PLA2G4A: variants seen among roughly 807,000 people sequenced by gnomAD.
PLA2G4A encodes the protein cytosolic phospholipase A2.
In PLA2G4A, 40 loss-of-function variants were observed where a neutral mutation model predicts 81.9. The ratio of observed to expected loss-of-function variants is 0.49; its 90% CI spans 0.38 to 0.64. The LOEUF is 0.64. PLA2G4A is among the 30% of genes least tolerant of loss of function. PLA2G4A has a pLI of 0.00. For missense variants in PLA2G4A, 715 were observed against 905.1 expected (o/e 0.79, Z 2.69); for synonymous variants, 302 against 296.9 (o/e 1.02, Z -0.18).
rs1651454143 is a variant in PLA2G4A at position 186,828,964 on chromosome 1, TTC to T, written c.-137_-136del. 1.3e-5 allele frequency: 2 copies of T among 152,228 alleles called. No homozygotes were observed. Among genetic ancestry groups the T allele is most frequent in the East Asian group, 3.9e-4 (2 of 5,184 alleles). The allele number at this position is 152,228 out of a possible 1,614,324, so 9.4% of individuals were successfully genotyped here. ...AGCCCCTCCTACTCAGGATAAGACT[TTC>T]TCTAAGTCCGGAGCTGAAAAAGGAT... On this transcript the variant is annotated 5_prime_UTR_variant, in exon 1 of 18. Transcript: ENST00000367466.
chr1:186,918,387 A>G (rs1217131916), intron 7 of PLA2G4A, among the ~76,000 whole-genome samples: 2 of 152,130 alleles, frequency 1.3e-5, no homozygotes, highest in Non-Finnish European at 2.9e-5. Context: ...ATAATGCTCC[A>G]TGCACTTGGA....
At chr1:186,930,753 G>T (rs1655713742) in intron 7 of PLA2G4A, among the ~76,000 whole-genome samples, 1 of 152,070 alleles carries the variant, frequency 6.6e-6, no homozygotes, top group South Asian at 2.1e-4. Flanking sequence ...TCTTGAAATT[G>T]TTTTTCCTCA....
intron 2 of PLA2G4A, among the ~76,000 whole-genome samples, chr1:186,861,472 T>C (rs1652796949): frequency 6.6e-6 from 1 of 152,206 alleles, no homozygotes; most frequent in Non-Finnish European, 1.5e-5. Context: ...AGTTCTTTCC[T>C]ACTTTTAGGA....
intron 6 of PLA2G4A, among the ~76,000 whole-genome samples, chr1:186,908,146 A>T (rs1470513250): frequency 1.3e-5 from 2 of 152,114 alleles, no homozygotes; most frequent in Admixed American, 6.5e-5. Context: ...GCCTTCTATT[A>T]AAAATAACAT....
intron 5 of PLA2G4A, among the ~76,000 whole-genome samples, chr1:186,899,199 C>T (rs2102127005): frequency 6.6e-6 from 1 of 152,208 alleles, no homozygotes; most frequent in Non-Finnish European, 1.5e-5. Flanking sequence ...AGAAAGGTAT[C>T]TTTGAGGATA....
At chr1:186,900,100 G>A (rs1025181596) in intron 5 of PLA2G4A, among the ~76,000 whole-genome samples, 1 of 152,124 alleles carries the variant, frequency 6.6e-6, no homozygotes, top group Non-Finnish European at 1.5e-5. Flanking sequence ...CAAAAATTTA[G>A]AACATCAGAG....
chr1:186,926,038 C>T (rs1243889755), intron 7 of PLA2G4A, among the ~76,000 whole-genome samples: 1 of 152,212 alleles, frequency 6.6e-6, no homozygotes, highest in African/African-American at 2.4e-5. Flanking sequence ...ACACGAGTAT[C>T]AGGTTGCTAG....
chr1:186,874,848 G>A (rs887825350), intron 3 of PLA2G4A, among the ~76,000 whole-genome samples: 3 of 151,920 alleles, frequency 2.0e-5, no homozygotes, highest in Non-Finnish European at 2.9e-5. Context: ...ATAACCTCAA[G>A]CTCTTAATAT....
chr1:186,855,587 A>G (rs139596491), intron 2 of PLA2G4A, among the ~76,000 whole-genome samples: 9 of 152,076 alleles, frequency 5.9e-5, no homozygotes, highest in African/African-American at 2.2e-4. Flanking sequence ...TTTTACCTCT[A>G]TTATCATGGG....
In PLA2G4A at chr1:186,956,486, A is replaced by G. The variant is rs966113554; in HGVS notation, c.1579+142A>G. 24 of 849,352 alleles carry G rather than the reference A, an allele frequency of 2.8e-5. No homozygotes were observed. In the Admixed American group the frequency reaches 3.9e-4, roughly 14 times the overall value. 52.6% of individuals were successfully genotyped at this position (849,352 alleles called of 1,614,324 possible). A position where few individuals can be genotyped will look rare whatever the true frequency, so the allele number is the denominator to read the frequency against. On this transcript the variant is annotated intron_variant, in intron 14 of 17. Coordinates refer to ENST00000367466, the MANE Select transcript of PLA2G4A (RefSeq NM_024420.3). Reference sequence around the variant, plus strand: ...TGCATTTAATGTGTGAAGGGCTTCAAATGACTAGGGTTTTTTTTTTGTTGT... The same window carrying G: ...TGCATTTAATGTGTGAAGGGCTTCAGATGACTAGGGTTTTTTTTTTGTTGT...
At chr1:186,873,456 A>C (rs1301262085) in intron 3 of PLA2G4A, among the ~76,000 whole-genome samples, 1 of 152,082 alleles carries the variant, frequency 6.6e-6, no homozygotes, top group African/African-American at 2.4e-5. Context: ...CTTATTTATA[A>C]AGGTAGAGTT....
chr1:186,867,161 T>G (rs1653064535), intron 2 of PLA2G4A, among the ~76,000 whole-genome samples: 2 of 152,146 alleles, frequency 1.3e-5, no homozygotes, highest in South Asian at 4.1e-4. Flanking sequence ...TTTTTTCTTC[T>G]CCTTCAAATT....
At chr1:186,870,623 A>G (rs949287517) in intron 3 of PLA2G4A, 107 bp downstream of exon 3, 2 of 1,169,974 alleles carry the variant, frequency 1.7e-6, no homozygotes, top group East Asian at 2.5e-5. Context: ...AAATGTGGTT[A>G]TGTTTGTCTA....
chr1:186,900,700 A>T (rs1654505341), intron 5 of PLA2G4A, among the ~76,000 whole-genome samples: 1 of 152,220 alleles, frequency 6.6e-6, no homozygotes, highest in South Asian at 2.1e-4. Context: ...CTTCAAAAGA[A>T]TCATGGAAAT....
In PLA2G4A at chr1:186,988,915, A is replaced by C. The variant is rs1035741510; in HGVS notation, c.*407A>C. On this transcript the variant is annotated 3_prime_UTR_variant, in exon 18 of 18. Coordinates refer to ENST00000367466, the MANE Select transcript of PLA2G4A (RefSeq NM_024420.3). ...ACTAGATTTATTCATACCATGAGAC[A>C]ACACTATTTTTATTTATATATGCAT... 1.2e-5 allele frequency: 2 copies of C among 164,836 alleles called. No homozygotes were observed. The highest frequency in any genetic ancestry group is 4.8e-5 in the African/African-American group (2 of 41,578). 10.2% of individuals were successfully genotyped at this position (164,836 alleles called of 1,614,324 possible). A position where few individuals can be genotyped will look rare whatever the true frequency, so the allele number is the denominator to read the frequency against.
intron 15 of PLA2G4A, among the ~76,000 whole-genome samples, chr1:186,972,393 C>A (rs1192514173): frequency 6.6e-6 from 1 of 152,004 alleles, no homozygotes; most frequent in Non-Finnish European, 1.5e-5. Flanking sequence ...TGAAAATAAG[C>A]CAAAGTCTTC....
chr1:186,874,877 T>C (rs1185749881), intron 3 of PLA2G4A, among the ~76,000 whole-genome samples: 5 of 152,084 alleles, frequency 3.3e-5, no homozygotes, highest in African/African-American at 1.2e-4. Flanking sequence ...TCTGTGCCTG[T>C]AGGTAAATGA....
At chr1:186,976,298 T>G (rs1230747790) in intron 15 of PLA2G4A, among the ~76,000 whole-genome samples, 2 of 152,206 alleles carry the variant, frequency 1.3e-5, no homozygotes, top group Non-Finnish European at 2.9e-5. Context: ...AGTGACAGTA[T>G]CCCCAAAACT....
intron 1 of PLA2G4A, among the ~76,000 whole-genome samples, chr1:186,848,102 G>A (rs997206090): frequency 2.0e-5 from 3 of 152,086 alleles, no homozygotes; most frequent in Non-Finnish European, 4.4e-5. Flanking sequence ...ATGCACTGGG[G>A]CTGTGGAAAA....
Sources: allele counts gnomAD v4.1 joint callset (sites outside exome capture counted in the v4.1 genomes callset), GRCh38; gene constraint gnomAD v4.1.1; transcripts MANE v1.5; gene names NCBI Gene and HGNC (gene_info 2026-07-23, HGNC 2026-07-21).